Variants in ENTREP2 observed in about 807,000 individuals in gnomAD.
The protein encoded by ENTREP2 is endosomal transmembrane epsin interactor 2.
chr15:29,407,769 G>A, the ENTREP2 span, among the ~76,000 whole-genome samples: 1 of 152,052 alleles, frequency 6.6e-6, no homozygotes, highest in Non-Finnish European at 1.5e-5. Context: ...CCAATCAAGC[G>A]ATTCTCCTGC....
At chr15:29,521,373 T>A in the ENTREP2 span, among the ~76,000 whole-genome samples, 1 of 152,240 alleles carries the variant, frequency 6.6e-6, no homozygotes, top group Non-Finnish European at 1.5e-5. Flanking sequence ...AGAATTAACA[T>A]AACCTTTCAA....
At chr15:29,381,159 T>C in the ENTREP2 span, among the ~76,000 whole-genome samples, 1 of 143,834 alleles carries the variant, frequency 7.0e-6, no homozygotes, top group Admixed American at 6.9e-5. Flanking sequence ...ATCCACACTT[T>C]TAAAATGCCC....
the ENTREP2 span, among the ~76,000 whole-genome samples, chr15:29,204,811 T>C: frequency 6.6e-6 from 1 of 152,208 alleles, no homozygotes; most frequent in South Asian, 2.1e-4. Flanking sequence ...AATTTTTAAA[T>C]TGTGGTAAAA....
the ENTREP2 span, among the ~76,000 whole-genome samples, chr15:29,572,171 A>AT: frequency 6.6e-6 from 1 of 152,154 alleles, no homozygotes; most frequent in East Asian, 1.9e-4. Flanking sequence ...GATGGGATTT[A>AT]TTTTCCAATT....
the ENTREP2 span, among the ~76,000 whole-genome samples, chr15:29,497,898 G>A: frequency 5.9e-5 from 9 of 151,960 alleles, no homozygotes; most frequent in Non-Finnish European, 1.0e-4. Context: ...TTTTCTTCAT[G>A]TAGGCATTTT....
the ENTREP2 span, chr15:29,612,452 C>A: frequency 7.3e-5 from 11 of 151,562 alleles, no homozygotes; most frequent in Non-Finnish European, 1.0e-4. Context: ...ACATTCAAAT[C>A]TTATTCCTCC....
the ENTREP2 span, among the ~76,000 whole-genome samples, chr15:29,143,964 A>G: frequency 6.6e-6 from 1 of 152,222 alleles, no homozygotes; most frequent in Non-Finnish European, 1.5e-5. Flanking sequence ...AAGACATCCC[A>G]AAGAGCTTAC....
chr15:29,602,101 T>C, the ENTREP2 span, among the ~76,000 whole-genome samples: 2 of 152,222 alleles, frequency 1.3e-5, no homozygotes, highest in African/African-American at 2.4e-5. Flanking sequence ...GTTCGTTTCA[T>C]GCTTAATCAG....
the ENTREP2 span, among the ~76,000 whole-genome samples, chr15:29,598,631 G>C: frequency 6.6e-6 from 1 of 152,128 alleles, no homozygotes; most frequent in Non-Finnish European, 1.5e-5. Context: ...CTAAATGTAT[G>C]GTAACAAATT....
the ENTREP2 span, among the ~76,000 whole-genome samples, chr15:29,395,652 C>T: frequency 9.9e-5 from 15 of 151,788 alleles, no homozygotes; most frequent in African/African-American, 3.1e-4. Context: ...CTCAGCCTCC[C>T]GAGTAGTTGG....
the ENTREP2 span, among the ~76,000 whole-genome samples, chr15:29,214,407 G>A: frequency 6.6e-6 from 1 of 152,148 alleles, no homozygotes; most frequent in African/African-American, 2.4e-5. Context: ...GATGAAGCTG[G>A]AAACCATCAT....
At chr15:29,127,158 C>T in the ENTREP2 span, among the ~76,000 whole-genome samples, 5 of 152,138 alleles carry the variant, frequency 3.3e-5, no homozygotes, top group African/African-American at 7.2e-5. Context: ...TGGTCTGGAC[C>T]GGGATGCTGG....
the ENTREP2 span, chr15:29,269,120 T>C: frequency 9.3e-6 from 15 of 1,614,030 alleles, no homozygotes; most frequent in Non-Finnish European, 2.5e-6. Context: ...CAGGCTTCAG[T>C]TTCCTTGATG....
the ENTREP2 span, among the ~76,000 whole-genome samples, chr15:29,430,719 G>A: frequency 6.6e-6 from 1 of 152,054 alleles, no homozygotes; most frequent in Non-Finnish European, 1.5e-5. Context: ...GGAGGAAGGA[G>A]GGAGGAATGG....
chr15:29,515,735 C>T, the ENTREP2 span, among the ~76,000 whole-genome samples: 2 of 152,300 alleles, frequency 1.3e-5, no homozygotes, highest in South Asian at 2.1e-4. Context: ...TTTGTAACAG[C>T]AGCAGCAGGA....
chr15:29,346,482 G>A, the ENTREP2 span, among the ~76,000 whole-genome samples: 3 of 136,622 alleles, frequency 2.2e-5, no homozygotes, highest in African/African-American at 9.8e-5. Context: ...CCAGGCAGGG[G>A]CTGTGGTCAG....
chr15:29,478,013 A>ATATATATATATT, the ENTREP2 span, among the ~76,000 whole-genome samples: 34 of 65,610 alleles, frequency 5.2e-4, no homozygotes, highest in African/African-American at 2.6e-3. Context: ...ATATATATAT[A>ATATATATATATT]TATATATTTT....
chr15:29,268,883 G>A, the ENTREP2 span: 1 of 1,614,046 alleles, frequency 6.2e-7, no homozygotes, highest in Non-Finnish European at 8.5e-7. Flanking sequence ...CAGTCCTTGG[G>A]GTCTTGATTA....
At chr15:29,417,492 G>A in the ENTREP2 span, among the ~76,000 whole-genome samples, 1 of 152,158 alleles carries the variant, frequency 6.6e-6, no homozygotes, top group African/African-American at 2.4e-5. Context: ...GGGGACTGCT[G>A]TGGGGTTAGG....
Sources: gnomAD v4.1 joint callset for allele counts (sites outside exome capture counted in the v4.1 genomes callset) on GRCh38, gnomAD v4.1.1 for gene constraint, MANE v1.5 for transcripts, NCBI Gene and HGNC (gene_info 2026-07-23, HGNC 2026-07-21) for gene names.